The following RMDN3 variants were observed in gnomAD, a reference collection of about 807,000 sequenced individuals.
RMDN3 encodes the protein regulator of microtubule dynamics protein 3.
In RMDN3, 41 loss-of-function variants were observed where a neutral mutation model predicts 61.8. The ratio of observed to expected loss-of-function variants is 0.66; its 90% CI spans 0.52 to 0.86. The LOEUF is 0.86. RMDN3 is among the 40% of genes least tolerant of loss of function. The pLI, the probability that RMDN3 is intolerant of heterozygous loss-of-function variation, is 0.00. For synonymous variants in RMDN3, 247 were observed against 232.0 expected (o/e 1.06, Z -0.59); for missense variants, 557 against 585.3 (o/e 0.95, Z 0.50).
chr15:40,737,789 T>TG, intron 9 of RMDN3, 63 bp from the exon 10 acceptor site: 1 of 1,551,706 alleles, frequency 6.4e-7, no homozygotes, highest in South Asian at 1.1e-5. Context: ...TTTAAATCTT[T>TG]GGGGATATAT....
At chr15:40,749,530 A>G (rs571716572) in intron 4 of RMDN3, among the ~76,000 whole-genome samples, 2 of 152,268 alleles carry the variant, frequency 1.3e-5, no homozygotes, top group East Asian at 1.9e-4. Flanking sequence ...AAAACAAAAC[A>G]AAAACAAAAA....
At chr15:40,738,141 C>T (rs1043827208) in intron 8 of RMDN3, 99 bp from the exon 9 acceptor site, 2 of 1,255,524 alleles carry the variant, frequency 1.6e-6, no homozygotes, top group African/African-American at 3.0e-5. Context: ...AATCCCTGCA[C>T]TTTGGGAAGC....
chr15:40,754,925 A>C (rs1897983170), intron 1 of RMDN3, 135 bp from the exon 2 acceptor site: 2 of 693,640 alleles, frequency 2.9e-6, no homozygotes, highest in East Asian at 5.6e-5. Context: ...CCAAACCCTG[A>C]GCTCTCGACT....
At chr15:40,750,025 C>T (rs371643415) in intron 4 of RMDN3, among the ~76,000 whole-genome samples, 9 of 151,986 alleles carry the variant, frequency 5.9e-5, no homozygotes, top group Non-Finnish European at 1.2e-4. Context: ...TGGGTGCATA[C>T]GATTATAATG....
chr15:40,751,228 A>G (rs1281458310), intron 4 of RMDN3, among the ~76,000 whole-genome samples, 198 bp downstream of exon 4: 2 of 152,396 alleles, frequency 1.3e-5, no homozygotes, highest in East Asian at 1.9e-4. Context: ...GATGCAAGCA[A>G]TAACTGCTAT....
intron 5 of RMDN3, 63 bp downstream of exon 5, chr15:40,744,914 G>A: frequency 1.3e-6 from 2 of 1,493,326 alleles, no homozygotes; most frequent in Middle Eastern, 2.5e-4. Context: ...TTCCCCAGGG[G>A]TCAGGAACAG....
intron 6 of RMDN3, among the ~76,000 whole-genome samples, chr15:40,742,188 T>TG (rs2141907829): frequency 6.8e-6 from 1 of 145,994 alleles, no homozygotes; most frequent in African/African-American, 2.5e-5. Context: ...TTTTTTTTTT[T>TG]GTAGAGACAA....
At chr15:40,750,746 C>G (rs945950437) in intron 4 of RMDN3, among the ~76,000 whole-genome samples, 1 of 152,236 alleles carries the variant, frequency 6.6e-6, no homozygotes, top group South Asian at 2.1e-4. Flanking sequence ...AAATCGGCCT[C>G]TAGGCCTCAC....
At chr15:40,747,809 C>T (rs562793473) in intron 4 of RMDN3, 5 of 152,110 alleles carry the variant, frequency 3.3e-5, no homozygotes, top group African/African-American at 1.2e-4. Flanking sequence ...CACATCTCTC[C>T]TCCTGGCAAT....
chr15:40,753,382 C>G (rs1047208984), intron 2 of RMDN3, among the ~76,000 whole-genome samples: 1 of 152,010 alleles, frequency 6.6e-6, no homozygotes, highest in Non-Finnish European at 1.5e-5. Flanking sequence ...CATGGTGGCA[C>G]GCACCTGTGA....
chr15:40,736,947 G>A (rs1476626735), intron 12 of RMDN3, among the ~76,000 whole-genome samples, 177 bp downstream of exon 12: 11 of 152,076 alleles, frequency 7.2e-5, no homozygotes, highest in African/African-American at 1.7e-4. Flanking sequence ...TCCACCTCCC[G>A]GATTCAAGCG....
chr15:40,754,988 T>TGC (rs568504931), intron 1 of RMDN3, 95 bp downstream of exon 1: 47 of 552,352 alleles, frequency 8.5e-5, no homozygotes, highest in Non-Finnish European at 1.4e-4. Context: ...TGGGCCCCAC[T>TGC]GCCTCTCTTC....
intron 4 of RMDN3, among the ~76,000 whole-genome samples, chr15:40,748,487 C>T (rs188759614): frequency 6.6e-6 from 1 of 152,266 alleles, no homozygotes; most frequent in African/African-American, 2.4e-5. Flanking sequence ...AGGTGTCTGG[C>T]AGCCCTGGCC....
chr15:40,744,301 C>G (rs969860682), intron 5 of RMDN3, 152 bp from the exon 6 acceptor site: 3 of 647,034 alleles, frequency 4.6e-6, no homozygotes, highest in Non-Finnish European at 5.5e-6. Context: ...GCCTTCCCCC[C>G]AGTCATCCCT....
intron 6 of RMDN3, 53 bp downstream of exon 6, chr15:40,743,993 GC>G (rs1474139943): frequency 2.7e-6 from 4 of 1,496,140 alleles, no homozygotes; most frequent in Non-Finnish European, 3.6e-6. Context: ...AGATGGGCCA[GC>G]CCCACCCCTG....
chr15:40,750,191 A>G (rs551762977), intron 4 of RMDN3, among the ~76,000 whole-genome samples: 201 of 140,474 alleles, frequency 1.4e-3, no homozygotes, highest in African/African-American at 5.2e-3. Context: ...CTACCGACCC[A>G]TGCCACCATG....
intron 2 of RMDN3, among the ~76,000 whole-genome samples, chr15:40,753,923 G>T (rs1048178940): frequency 1.3e-5 from 2 of 152,066 alleles, no homozygotes; most frequent in African/African-American, 4.8e-5. Flanking sequence ...TAAGCCTCAA[G>T]ACTTTTAATC....
chr15:40,744,160 G>T lies in RMDN3; in HGVS notation c.808-11C>A. On this transcript the variant is annotated splice_polypyrimidine_tract_variant and intron_variant, in intron 5 of 12. Transcript: ENST00000338376. ...CTGCCGGCTTCCATACTGCAGACCAGACAGAAACGGGTGAGGCCCCTTTTT... is the reference window on the plus strand; with the variant it reads ...CTGCCGGCTTCCATACTGCAGACCATACAGAAACGGGTGAGGCCCCTTTTT... 6.2e-7 allele frequency: 1 copy of T among 1,612,372 alleles called. No individual in the cohort carries two copies. The highest frequency in any genetic ancestry group is 8.5e-7 in the Non-Finnish European group (1 of 1,179,632).
rs568115523 is a variant in RMDN3, at chr15:40,744,160, G to A, written c.808-11C>T. 1.7e-5 allele frequency: 27 copies of A among 1,612,254 alleles called. No individual in the cohort carries two copies. Among genetic ancestry groups the A allele is most frequent in the Admixed American group, 6.7e-5 (4 of 60,002 alleles). On this transcript the variant is annotated splice_polypyrimidine_tract_variant and intron_variant, in intron 5 of 12. Transcript: ENST00000338376. ...CTGCCGGCTTCCATACTGCAGACCA[G>A]ACAGAAACGGGTGAGGCCCCTTTTT...
Sources: allele counts gnomAD v4.1 joint callset (sites outside exome capture counted in the v4.1 genomes callset), GRCh38; gene constraint gnomAD v4.1.1; transcripts MANE v1.5; gene names NCBI Gene and HGNC (gene_info 2026-07-23, HGNC 2026-07-21).